Variants in CTNND2 observed in about 807,000 individuals in gnomAD.
CTNND2 encodes the protein catenin delta-2.
In CTNND2, 22 loss-of-function variants were observed where a neutral mutation model predicts 144.4. The ratio of observed to expected loss-of-function variants is 0.15; its 90% CI spans 0.11 to 0.22. The LOEUF (loss-of-function observed/expected upper bound fraction) is 0.22, where lower values mean the gene tolerates loss of function less well. CTNND2 is among the 10% of genes least tolerant of loss of function. The probability of loss-of-function intolerance (pLI) is 1.00; values close to 1 mark genes in which losing one functional copy is unlikely to be tolerated. For synonymous variants in CTNND2, 751 were observed against 695.6 expected, an observed-to-expected ratio of 1.08 and a Z score of -1.25; for missense variants, 1,353 against 1,618.8, an observed-to-expected ratio of 0.84 and a Z score of 2.82.
intron 10 of CTNND2, among the ~76,000 whole-genome samples, chr5:11,206,143 A>AT (rs1390729844): frequency 6.6e-6 from 1 of 152,216 alleles, no homozygotes; most frequent in African/African-American, 2.4e-5. Flanking sequence ...TAAAATGTTG[A>AT]TATGTGATAG....
intron 1 of CTNND2, among the ~76,000 whole-genome samples, chr5:11,896,965 C>A (rs1285217196): frequency 6.6e-6 from 1 of 152,158 alleles, no homozygotes; most frequent in Non-Finnish European, 1.5e-5. Context: ...ATAATCTGAT[C>A]CAGATGCTAC....
At chr5:10,975,713 G>A (rs536044442) in intron 21 of CTNND2, among the ~76,000 whole-genome samples, 3 of 152,340 alleles carry the variant, frequency 2.0e-5, no homozygotes, top group East Asian at 3.9e-4. Context: ...AAGAAAGTCG[G>A]TGGACAAAAG....
chr5:11,056,146 CA>C (rs898547770), intron 16 of CTNND2, among the ~76,000 whole-genome samples: 18 of 152,188 alleles, frequency 1.2e-4, no homozygotes, highest in African/African-American at 4.3e-4. Flanking sequence ...GAAGTTTAAA[CA>C]ATGACTTTTG....
intron 9 of CTNND2, among the ~76,000 whole-genome samples, chr5:11,325,044 G>A (rs1752398383): frequency 6.6e-6 from 1 of 151,810 alleles, no homozygotes; most frequent in Non-Finnish European, 1.5e-5. Flanking sequence ...TGGTGTTTAA[G>A]GAGAGCTGAA....
At chr5:11,107,970 C>A (rs760662403) in intron 14 of CTNND2, among the ~76,000 whole-genome samples, 1 of 152,154 alleles carries the variant, frequency 6.6e-6, no homozygotes, top group Non-Finnish European at 1.5e-5. Context: ...AAGTCACAGA[C>A]CGAAATAAGA....
chr5:11,754,528 C>A (rs376731408), intron 1 of CTNND2, among the ~76,000 whole-genome samples: 1 of 151,376 alleles, frequency 6.6e-6, no homozygotes, highest in South Asian at 2.1e-4. Context: ...ATTTTCTTCT[C>A]TGATGATCTA....
At chr5:11,337,218 G>T (rs1420635309) in intron 9 of CTNND2, among the ~76,000 whole-genome samples, 1 of 152,138 alleles carries the variant, frequency 6.6e-6, no homozygotes, top group Middle Eastern at 3.2e-3. Context: ...CATCCAACTG[G>T]AGTGTTTAGA....
intron 2 of CTNND2, among the ~76,000 whole-genome samples, chr5:11,603,965 C>A (rs375775650): frequency 6.6e-6 from 1 of 152,138 alleles, no homozygotes; most frequent in Non-Finnish European, 1.5e-5. Context: ...TTGCATATAG[C>A]AAACATTTAA....
intron 3 of CTNND2, among the ~76,000 whole-genome samples, chr5:11,513,243 C>T (rs1581381985): frequency 3.3e-5 from 5 of 152,310 alleles, no homozygotes; most frequent in Admixed American, 3.3e-4. Flanking sequence ...GCATGGGCCA[C>T]AAGTACCTCT....
intron 9 of CTNND2, among the ~76,000 whole-genome samples, chr5:11,281,153 C>T (rs568406830): frequency 2.4e-4 from 37 of 152,238 alleles, no homozygotes; most frequent in South Asian, 1.7e-3. Flanking sequence ...TAATGGCAGA[C>T]GTTTGCTCCT....
intron 5 of CTNND2, among the ~76,000 whole-genome samples, chr5:11,405,775 G>A (rs6875673): frequency 6.6e-6 from 1 of 151,960 alleles, no homozygotes; most frequent in South Asian, 2.1e-4. Context: ...CCCGAGGTAG[G>A]GGGGGAAGTG....
intron 16 of CTNND2, among the ~76,000 whole-genome samples, chr5:11,071,245 A>G (rs569199205): frequency 5.9e-5 from 9 of 152,152 alleles, no homozygotes; most frequent in Non-Finnish European, 1.2e-4. Flanking sequence ...TTTTACTAAG[A>G]AAAAAATCAG....
At chr5:11,692,924 T>C (rs767683771) in intron 2 of CTNND2, among the ~76,000 whole-genome samples, 3 of 152,186 alleles carry the variant, frequency 2.0e-5, no homozygotes, top group Non-Finnish European at 4.4e-5. Flanking sequence ...TTAAAAGACT[T>C]AGAAAGTCTC....
chr5:11,816,180 G>A (rs113758217), intron 1 of CTNND2, among the ~76,000 whole-genome samples: 1 of 152,212 alleles, frequency 6.6e-6, no homozygotes, highest in South Asian at 2.1e-4. Flanking sequence ...CAGCCACCAC[G>A]CCCAGGGCGA....
intron 2 of CTNND2, among the ~76,000 whole-genome samples, chr5:11,697,232 C>T (rs1046347862): frequency 4.6e-5 from 7 of 152,180 alleles, no homozygotes; most frequent in African/African-American, 1.7e-4. Context: ...AGTGTGCAAG[C>T]TGCCCCTGAT....
chr5:11,305,546 TCA>T (rs1443238860), intron 9 of CTNND2, among the ~76,000 whole-genome samples: 1 of 152,220 alleles, frequency 6.6e-6, no homozygotes, highest in African/African-American at 2.4e-5. Flanking sequence ...TGCATCTTGT[TCA>T]CACTCACAGC....
At chr5:11,475,581 A>C (rs1244239368) in intron 3 of CTNND2, among the ~76,000 whole-genome samples, 1 of 152,246 alleles carries the variant, frequency 6.6e-6, no homozygotes. Context: ...CTGATTGCCC[A>C]GTGTTAGTGA....
chr5:11,478,497 C>A (rs1477596812), intron 3 of CTNND2, among the ~76,000 whole-genome samples: 3 of 152,186 alleles, frequency 2.0e-5, no homozygotes, highest in Admixed American at 1.3e-4. Flanking sequence ...CTTTTAAGCA[C>A]CGTGTCTTCA....
intron 9 of CTNND2, among the ~76,000 whole-genome samples, chr5:11,240,125 C>A (rs1386339343): frequency 6.7e-6 from 1 of 149,174 alleles, no homozygotes; most frequent in Non-Finnish European, 1.5e-5. Flanking sequence ...CACACACACC[C>A]CCAACACACA....
Sources: allele counts gnomAD v4.1 joint callset (sites outside exome capture counted in the v4.1 genomes callset), GRCh38; gene constraint gnomAD v4.1.1; transcripts MANE v1.5; gene names NCBI Gene and HGNC (gene_info 2026-07-23, HGNC 2026-07-21).